FSHR: variants seen among roughly 807,000 people sequenced by gnomAD.
FSHR encodes follicle stimulating hormone receptor, also known as follicle-stimulating hormone receptor.
Under a neutral mutation model 52.1 loss-of-function variants are expected in FSHR, and 46 were observed. The ratio of observed to expected loss-of-function variants is 0.88; its 90% CI spans 0.70 to 1.13. FSHR has a LOEUF of 1.13. Among genes scored for constraint, FSHR ranks in the 50% most tolerant of loss-of-function variants. The probability of loss-of-function intolerance (pLI) is 0.00; values close to 1 mark genes in which losing one functional copy is unlikely to be tolerated. For synonymous variants in FSHR, 399 were observed against 309.6 expected, an observed-to-expected ratio of 1.29 and a Z score of -3.03; for missense variants, 964 against 834.6, an observed-to-expected ratio of 1.16 and a Z score of -1.91.
At chr2:48,996,662 C>T (rs1289634428) in intron 4 of FSHR, among the ~76,000 whole-genome samples, 1 of 152,022 alleles carries the variant, frequency 6.6e-6, no homozygotes, top group African/African-American at 2.4e-5. Context: ...ATGCAAAGGA[C>T]ACTTGATTTT....
rs567512419 is a variant in FSHR at position 49,133,073 on chromosome 2, G to T, written c.152+21193C>A. On this transcript the variant is annotated intron_variant, in intron 1 of 9. Coordinates refer to ENST00000406846, the MANE Select transcript of FSHR (RefSeq NM_000145.4). ...CAGAGCGGGTGGAGACCCCACTCCA[G>T]ACTGCTGCAGTAAAGAACACAGAGT... 8.7e-5 allele frequency among the ~76,000 whole-genome samples: 13 copies of T among 149,518 alleles called. No individual in the cohort carries two copies. The East Asian group carries it at 2.6e-3, about 30-fold the overall frequency.
In FSHR at chr2:48,963,666, C is replaced by T; in HGVS notation, c.1155G>A (p.Val385=). 2 of 1,614,138 alleles carry T rather than the reference C, an allele frequency of 1.2e-6. No individual in the cohort carries two copies. Among genetic ancestry groups the T allele is most frequent in the East Asian group, 2.2e-5 (1 of 44,878 alleles). The change falls in exon 10 of 10, where the codon GTG becomes GTA. Residue 385 remains valine (V), a synonymous_variant. Transcript: ENST00000406846. ...LAITGNIIVL[V]ILTTSQYKLT... ...GTTTATATTGGCTGGTAGTTAGGAT[C>T]ACTAGCACTATGATGTTCCCAGTGA...
intron 1 of FSHR, among the ~76,000 whole-genome samples, chr2:49,114,737 C>A (rs558566791): frequency 6.6e-6 from 1 of 152,056 alleles, no homozygotes; most frequent in Admixed American, 6.6e-5. Context: ...GGGATGGTTT[C>A]TCTCTCACTC....
At chr2:49,092,709 C>T (rs914062556) in intron 1 of FSHR, among the ~76,000 whole-genome samples, 4 of 152,158 alleles carry the variant, frequency 2.6e-5, no homozygotes, top group African/African-American at 9.7e-5. Flanking sequence ...CTCTGTCACA[C>T]AGGCTGGAGT....
chr2:49,136,798 T>A (rs1479517270), intron 1 of FSHR, among the ~76,000 whole-genome samples: 1 of 152,124 alleles, frequency 6.6e-6, no homozygotes, highest in Non-Finnish European at 1.5e-5. Context: ...CATGTAAAGC[T>A]TCTGACAAAA....
chr2:49,133,907 CA>C (rs1672391312), intron 1 of FSHR, among the ~76,000 whole-genome samples: 1 of 152,096 alleles, frequency 6.6e-6, no homozygotes, highest in African/African-American at 2.4e-5. Context: ...ACACCTTATA[CA>C]AAAGTTAATT....
At chr2:49,028,470 A>C (rs1667985113) in intron 2 of FSHR, among the ~76,000 whole-genome samples, 1 of 152,188 alleles carries the variant, frequency 6.6e-6, no homozygotes, top group Non-Finnish European at 1.5e-5. Context: ...AATATGCATG[A>C]CATTTATTTT....
chr2:49,096,968 C>G (rs757905459), intron 1 of FSHR, among the ~76,000 whole-genome samples: 12 of 152,098 alleles, frequency 7.9e-5, no homozygotes, highest in Non-Finnish European at 1.3e-4. Flanking sequence ...CTCCCCAGCC[C>G]CAGAAGCCAA....
intron 2 of FSHR, among the ~76,000 whole-genome samples, chr2:49,063,454 G>A (rs1312918813): frequency 2.0e-5 from 3 of 151,930 alleles, no homozygotes. Flanking sequence ...ATATATGTAT[G>A]TGACACACAC....
chr2:49,081,849 G>C (rs1316314290), intron 1 of FSHR, among the ~76,000 whole-genome samples: 1 of 152,122 alleles, frequency 6.6e-6, no homozygotes, highest in African/African-American at 2.4e-5. Flanking sequence ...TTCCCTTTGT[G>C]GCTTAAAGGA....
At chr2:48,973,769 A>T (rs1307236862) in intron 8 of FSHR, among the ~76,000 whole-genome samples, 4 of 152,204 alleles carry the variant, frequency 2.6e-5, no homozygotes, top group African/African-American at 9.6e-5. Flanking sequence ...ACATTGGAGA[A>T]GGATTAGGAA....
intron 1 of FSHR, among the ~76,000 whole-genome samples, chr2:49,128,545 C>A (rs926462768): frequency 1.3e-5 from 2 of 151,948 alleles, no homozygotes; most frequent in Non-Finnish European, 2.9e-5. Flanking sequence ...TTATTCAGGT[C>A]AAGAAGAAAA....
At chr2:49,028,056 C>G (rs1057215791) in intron 2 of FSHR, among the ~76,000 whole-genome samples, 3 of 151,878 alleles carry the variant, frequency 2.0e-5, no homozygotes, top group Non-Finnish European at 2.9e-5. Context: ...GCATGTTGAT[C>G]AGGTCGTTTG....
intron 2 of FSHR, among the ~76,000 whole-genome samples, chr2:49,056,557 C>T (rs1334200787): frequency 6.6e-6 from 1 of 150,472 alleles, no homozygotes; most frequent in African/African-American, 2.5e-5. Flanking sequence ...GACCGCAATA[C>T]ATTAGTAGTT....
chr2:49,012,986 A>C (rs1667327264), intron 4 of FSHR, among the ~76,000 whole-genome samples: 2 of 152,134 alleles, frequency 1.3e-5, no homozygotes, highest in East Asian at 1.9e-4. Flanking sequence ...TGAGGTCATA[A>C]GTGTAGGGCC....
At position 48,963,672 on chromosome 2, in the gene FSHR, C is replaced by A. The variant is rs373696730; in HGVS notation, c.1149G>T (p.Val383=). The part of the protein sequence containing the change: ...SILAITGNII[V]LVILTTSQYK... ...ATTGGCTGGTAGTTAGGATCACTAG[C>A]ACTATGATGTTCCCAGTGATGGCCA... is the stretch of plus-strand genomic sequence containing the variant. The change falls in exon 10 of 10, where the codon GTG becomes GTT. Residue 383 remains valine (V), a synonymous_variant. Transcript: ENST00000406846. 5 of 1,614,016 alleles carry A rather than the reference C, an allele frequency of 3.1e-6. No homozygotes were observed. In the African/African-American group the frequency reaches 6.7e-5, roughly 22 times the overall value.
rs1320561004 is a variant in FSHR at position 49,120,754 on chromosome 2, G to C, written c.152+33512C>G. 5.9e-5 allele frequency among the ~76,000 whole-genome samples: 9 copies of C among 152,286 alleles called. No homozygotes were observed. The South Asian group carries it at 1.4e-3, about 25-fold the overall frequency. On this transcript the variant is annotated intron_variant, in intron 1 of 9. Coordinates refer to ENST00000406846, the MANE Select transcript of FSHR (RefSeq NM_000145.4). The stretch of plus-strand genomic sequence containing the variant: ...CTCTTCCAGGAAAAGAGGCTACAAG[G>C]CCAGCTCTTTGAAAAGTTGTTTTAA...
intron 1 of FSHR, among the ~76,000 whole-genome samples, chr2:49,101,417 G>A (rs1671022460): frequency 1.3e-5 from 2 of 152,106 alleles, no homozygotes; most frequent in African/African-American, 4.8e-5. Context: ...GAACAGGACT[G>A]AAAGACTCTT....
chr2:49,149,038 G>A (rs1009679304), intron 1 of FSHR, among the ~76,000 whole-genome samples: 2 of 151,860 alleles, frequency 1.3e-5, no homozygotes, highest in Non-Finnish European at 2.9e-5. Flanking sequence ...GATTGCCAGG[G>A]CCGAAGCAAA....
Sources: allele counts gnomAD v4.1 joint callset (sites outside exome capture counted in the v4.1 genomes callset), GRCh38; gene constraint gnomAD v4.1.1; transcripts MANE v1.5; gene names NCBI Gene and HGNC (gene_info 2026-07-23, HGNC 2026-07-21).